TAS2R1: variants seen among roughly 807,000 people sequenced by gnomAD.
The protein encoded by TAS2R1 is taste receptor type 2 member 1.
For missense variants in TAS2R1, 370 were observed against 353.4 expected, an observed-to-expected ratio of 1.05 and a Z score of -0.38; for synonymous variants, 141 against 134.2, an observed-to-expected ratio of 1.05 and a Z score of -0.35.
At chr5:9,647,313 T>C (rs1740209980) in intron 2 of TAS2R1, among the ~76,000 whole-genome samples, 1 of 152,172 alleles carries the variant, frequency 6.6e-6, no homozygotes, top group Non-Finnish European at 1.5e-5. Context: ...ATATTGTGGA[T>C]TTATTTGCTT....
At chr5:9,635,341 G>C (rs1739943129), upstream of TAS2R1, among the ~76,000 whole-genome samples, 1 of 151,992 alleles carries the variant, frequency 6.6e-6, no homozygotes, top group Non-Finnish European at 1.5e-5. Context: ...TGTTGAATTT[G>C]GTTGGCTAGT....
At chr5:9,668,365 C>A (rs1740681753) in intron 1 of TAS2R1, among the ~76,000 whole-genome samples, 1 of 152,052 alleles carries the variant, frequency 6.6e-6, no homozygotes, top group South Asian at 2.1e-4. Flanking sequence ...TAAAATTTTC[C>A]CAACCTTCTA....
At chr5:9,638,999 G>A (rs915414349) in intron 2 of TAS2R1, among the ~76,000 whole-genome samples, 5 of 152,100 alleles carry the variant, frequency 3.3e-5, no homozygotes, top group East Asian at 1.9e-4. Context: ...AAGACCATGC[G>A]CACCCCACTG....
the TAS2R1 span, among the ~76,000 whole-genome samples, chr5:9,852,388 T>C: frequency 6.6e-6 from 1 of 152,204 alleles, no homozygotes; most frequent in South Asian, 2.1e-4. Flanking sequence ...CTCCTGTTTC[T>C]GTCAGGAGGT....
At chr5:9,816,511 C>T in the TAS2R1 span, among the ~76,000 whole-genome samples, 16 of 149,146 alleles carry the variant, frequency 1.1e-4, no homozygotes, top group Non-Finnish European at 2.1e-4. Flanking sequence ...CACAGATGAA[C>T]ATAAATTGAA....
the TAS2R1 span, among the ~76,000 whole-genome samples, chr5:9,854,933 G>A: frequency 6.6e-6 from 1 of 152,062 alleles, no homozygotes; most frequent in East Asian, 1.9e-4. Flanking sequence ...CTTCATAATG[G>A]GTTCTGCTAG....
the TAS2R1 span, among the ~76,000 whole-genome samples, chr5:9,897,135 T>TAAAACAAAAC: frequency 6.6e-5 from 10 of 152,256 alleles, 2 homozygotes; most frequent in East Asian, 1.9e-4. Flanking sequence ...GAGGTTTTCT[T>TAAAACAAAAC]AAAACAAAAC....
At chr5:9,645,683 T>A (rs1561368063) in intron 2 of TAS2R1, 1 of 152,132 alleles carries the variant, frequency 6.6e-6, no homozygotes, top group Non-Finnish European at 1.5e-5. Flanking sequence ...CCCAAATTCA[T>A]CAAGTCAGAA....
At chr5:9,769,451 A>G in the TAS2R1 span, among the ~76,000 whole-genome samples, 1 of 152,170 alleles carries the variant, frequency 6.6e-6, no homozygotes, top group Non-Finnish European at 1.5e-5. Context: ...GCTGGATTAT[A>G]TAAAGGTTCT....
At chr5:9,728,190 G>A in the TAS2R1 span, among the ~76,000 whole-genome samples, 1 of 151,970 alleles carries the variant, frequency 6.6e-6, no homozygotes, top group East Asian at 1.9e-4. Context: ...TCAAAGTTGA[G>A]TTATAGAAAA....
Position 9,629,100 on chromosome 5 carries a change from T to C in TAS2R1, c.*33A>G, listed in dbSNP as rs370546065. Reference sequence around the variant, plus strand: ...TGGCAGGCATGGGTAAATCATTGAATCATGGGTTCTTTGAACTGATCCAAC... The same window carrying C: ...TGGCAGGCATGGGTAAATCATTGAACCATGGGTTCTTTGAACTGATCCAAC... On this transcript the variant is annotated 3_prime_UTR_variant, in exon 1 of 1. Coordinates refer to ENST00000382492, the MANE Select transcript of TAS2R1 (RefSeq NM_019599.3). The C allele has an allele frequency of 4.4e-5, 67 of 1,509,698 alleles. No homozygotes were observed. In the Middle Eastern group the frequency reaches 6.2e-4, roughly 14 times the overall value. 93.5% of individuals were successfully genotyped at this position (1,509,698 alleles called of 1,614,324 possible). A position where few individuals can be genotyped will look rare whatever the true frequency, so the allele number is the denominator to read the frequency against.
the TAS2R1 span, among the ~76,000 whole-genome samples, chr5:9,895,252 C>T: frequency 2.9e-4 from 44 of 152,344 alleles, no homozygotes; most frequent in African/African-American, 1.0e-3. Flanking sequence ...GGAAAGCCAA[C>T]ACATGAGGAG....
At chr5:9,879,535 C>A in the TAS2R1 span, among the ~76,000 whole-genome samples, 1 of 152,160 alleles carries the variant, frequency 6.6e-6, no homozygotes, top group East Asian at 1.9e-4. Context: ...TCTGGTAGAC[C>A]TATAGCAACC....
the TAS2R1 span, among the ~76,000 whole-genome samples, chr5:9,856,492 G>C: frequency 1.3e-5 from 2 of 152,240 alleles, no homozygotes; most frequent in East Asian, 3.8e-4. Context: ...CCTGTCTGGA[G>C]TAGGTATTAA....
chr5:9,823,685 AGGAAGGGAGGAAGGAAG>A, the TAS2R1 span, among the ~76,000 whole-genome samples: 1 of 116,786 alleles, frequency 8.6e-6, no homozygotes, highest in Non-Finnish European at 1.7e-5. Flanking sequence ...AGGGAAGGAA[AGGAAGGGAGGAAGGAAG>A]GGAGGGAGGG....
the TAS2R1 span, among the ~76,000 whole-genome samples, chr5:9,850,144 G>A: frequency 6.6e-6 from 1 of 152,000 alleles, no homozygotes; most frequent in Admixed American, 6.6e-5. Context: ...CTATCCCCTG[G>A]GCGCCCCAGC....
the TAS2R1 span, among the ~76,000 whole-genome samples, chr5:9,836,643 C>T: frequency 6.6e-6 from 1 of 152,172 alleles, no homozygotes; most frequent in South Asian, 2.1e-4. Context: ...CTATCTGCTG[C>T]ATATTAAACA....
At chr5:9,871,541 A>C in the TAS2R1 span, among the ~76,000 whole-genome samples, 1 of 152,142 alleles carries the variant, frequency 6.6e-6, no homozygotes, top group Non-Finnish European at 1.5e-5. Context: ...GAGCAATCAC[A>C]GAGTTTCTCC....
At chr5:9,696,363 C>T (rs1224616862) in intron 1 of TAS2R1, among the ~76,000 whole-genome samples, 1 of 151,962 alleles carries the variant, frequency 6.6e-6, no homozygotes, top group Non-Finnish European at 1.5e-5. Flanking sequence ...AGTTCAAGAC[C>T]AGCCTGATCA....
Sources: gnomAD v4.1 joint callset for allele counts (sites outside exome capture counted in the v4.1 genomes callset) on GRCh38, gnomAD v4.1.1 for gene constraint, MANE v1.5 for transcripts, NCBI Gene and HGNC (gene_info 2026-07-23, HGNC 2026-07-21) for gene names.